The following KIF6 variants were observed in gnomAD, a reference collection of about 807,000 sequenced individuals.
KIF6 encodes kinesin family member 6.
Under a neutral mutation model 112.7 loss-of-function variants are expected in KIF6, and 106 were observed. That is an observed-to-expected ratio of 0.94 (90% CI 0.80 to 1.11). The LOEUF (loss-of-function observed/expected upper bound fraction) is 1.11. Ranked by LOEUF, KIF6 falls within the 50% of genes least tolerant of loss-of-function variation. The probability of loss-of-function intolerance (pLI) is 0.00; values close to 1 mark genes in which losing one functional copy is unlikely to be tolerated. For missense variants in KIF6, 929 were observed against 964.0 expected (o/e 0.96, Z 0.48); for synonymous variants, 339 against 339.9 (o/e 1.00, Z 0.03).
intron 2 of KIF6, among the ~76,000 whole-genome samples, chr6:39,716,067 A>G (rs1789832540): frequency 6.6e-6 from 1 of 152,132 alleles, no homozygotes. Context: ...TTTCTACCCC[A>G]CTTCTTTAAA....
chr6:39,427,167 T>A (rs2150375269), intron 14 of KIF6, among the ~76,000 whole-genome samples: 1 of 152,246 alleles, frequency 6.6e-6, no homozygotes, highest in African/African-American at 2.4e-5. Flanking sequence ...GTCAACCCCC[T>A]CCAGTCTGTG....
intron 2 of KIF6, among the ~76,000 whole-genome samples, chr6:39,719,347 A>AG (rs1561959398): frequency 1.3e-5 from 2 of 149,896 alleles, no homozygotes; most frequent in African/African-American, 4.9e-5. Context: ...TAAAAAGAAA[A>AG]AGAGAGAGAG....
chr6:39,391,743 A>G (rs1008423615), intron 15 of KIF6, among the ~76,000 whole-genome samples: 1 of 152,280 alleles, frequency 6.6e-6, no homozygotes, highest in Non-Finnish European at 1.5e-5. Context: ...TAGTTGGAAC[A>G]TGAATTAGTT....
chr6:39,345,165 C>T (rs894019694), intron 21 of KIF6, among the ~76,000 whole-genome samples: 3 of 152,276 alleles, frequency 2.0e-5, no homozygotes, highest in African/African-American at 7.2e-5. Flanking sequence ...TAACAAGGGG[C>T]TGGCCATTCC....
chr6:39,523,051 C>A (rs1406460492), intron 13 of KIF6, among the ~76,000 whole-genome samples: 1 of 152,196 alleles, frequency 6.6e-6, no homozygotes, highest in Admixed American at 6.5e-5. Flanking sequence ...CGTGCTCATT[C>A]TTAACATATG....
intron 17 of KIF6, 75 bp from the exon 18 acceptor site, chr6:39,360,605 TGG>T (rs1562130470): frequency 6.4e-7 from 1 of 1,559,634 alleles, no homozygotes; most frequent in Admixed American, 1.7e-5. Context: ...TGTAAATGAA[TGG>T]GGCCCGTGCC....
At position 39,559,829 on chromosome 6, in the gene KIF6, T is replaced by TA. The variant is rs534131446; in HGVS notation, c.1182-14142dup. 7.4e-3 allele frequency among the ~76,000 whole-genome samples: 1,051 copies of TA among 141,582 alleles called. 12 individuals are homozygous for TA. Among genetic ancestry groups the TA allele is most frequent in the African/African-American group, 0.021 (802 of 38,782 alleles). 92.9% of individuals were successfully genotyped at this position (141,582 alleles called of 152,430 possible). Reference sequence around the variant, plus strand: ...TTTGAGGTTGTGTTAAGTGGTACTTTAAAAAAAAAAAAAGGTATAACAGCA... The same window carrying TA: ...TTTGAGGTTGTGTTAAGTGGTACTTTAAAAAAAAAAAAAAGGTATAACAGCA... On this transcript the variant is annotated intron_variant, in intron 10 of 22. Transcript: ENST00000287152.
chr6:39,498,259 G>A (rs979941841), intron 13 of KIF6, among the ~76,000 whole-genome samples: 6 of 152,140 alleles, frequency 3.9e-5, no homozygotes, highest in Non-Finnish European at 2.9e-5. Flanking sequence ...ACCAGTCTAC[G>A]TAGTTCCCTT....
chr6:39,683,604 T>C (rs1209576331), intron 3 of KIF6, among the ~76,000 whole-genome samples: 3 of 152,144 alleles, frequency 2.0e-5, no homozygotes, highest in Non-Finnish European at 4.4e-5. Context: ...ATAAAGATTA[T>C]ATTCAAAGTC....
chr6:39,351,943 G>A (rs1764274580), intron 19 of KIF6, among the ~76,000 whole-genome samples: 1 of 152,208 alleles, frequency 6.6e-6, no homozygotes, highest in Non-Finnish European at 1.5e-5. Context: ...TGTGTGGAAG[G>A]TGCAGGTATA....
At chr6:39,537,077 G>T (rs576537898) in intron 13 of KIF6, among the ~76,000 whole-genome samples, 60 of 152,206 alleles carry the variant, frequency 3.9e-4, no homozygotes, top group East Asian at 7.7e-4. Flanking sequence ...AAAATAATAA[G>T]AGCTATCTAT....
intron 3 of KIF6, among the ~76,000 whole-genome samples, chr6:39,680,677 C>A (rs1787460734): frequency 6.6e-6 from 1 of 152,120 alleles, no homozygotes; most frequent in Admixed American, 6.5e-5. Flanking sequence ...GACAACTTGA[C>A]AAAGACTAGA....
intron 3 of KIF6, among the ~76,000 whole-genome samples, chr6:39,667,031 C>A (rs1364133895): frequency 6.6e-6 from 1 of 152,168 alleles, no homozygotes; most frequent in Non-Finnish European, 1.5e-5. Flanking sequence ...AACAGTTTCA[C>A]AGATCTCTTT....
At chr6:39,718,659 C>T (rs904355577) in intron 2 of KIF6, 3 of 151,360 alleles carry the variant, frequency 2.0e-5, no homozygotes, top group African/African-American at 7.3e-5. Context: ...TCACCTGAGC[C>T]CTGAAGGTCA....
chr6:39,421,753 T>C (rs1770384276), intron 14 of KIF6, among the ~76,000 whole-genome samples: 1 of 152,192 alleles, frequency 6.6e-6, no homozygotes, highest in Admixed American at 6.5e-5. Context: ...GTAGATTATG[T>C]ATGTTCTCTC....
intron 14 of KIF6, among the ~76,000 whole-genome samples, chr6:39,423,833 A>AACTGCCTGAGAGCAGAAC (rs1417799268): frequency 6.6e-6 from 1 of 152,104 alleles, no homozygotes; most frequent in Non-Finnish European, 1.5e-5. Flanking sequence ...ACTTAGCTCC[A>AACTGCCTGAGAGCAGAAC]ACTGCCTGAG....
chr6:39,514,061 G>A (rs748041278), intron 13 of KIF6, among the ~76,000 whole-genome samples: 49 of 152,202 alleles, frequency 3.2e-4, no homozygotes, highest in Non-Finnish European at 5.9e-4. Flanking sequence ...TTTACAATTT[G>A]TAATTTGCTG....
intron 13 of KIF6, among the ~76,000 whole-genome samples, chr6:39,486,225 A>C (rs909820833): frequency 6.6e-6 from 1 of 152,204 alleles, no homozygotes; most frequent in African/African-American, 2.4e-5. Flanking sequence ...AAGACTAGCA[A>C]TTTCCATTTC....
rs541365367 is a variant in KIF6, at chr6:39,592,611, G to T, written c.846+3443C>A. ...ATAGAGGCTGTGGGTCACACCGGGA[G>T]CACTCAGTGAGATTTAGGACAAGTA... On this transcript the variant is annotated intron_variant, in intron 7 of 22. Transcript: ENST00000287152. 5.3e-5 allele frequency among the ~76,000 whole-genome samples: 8 copies of T among 152,316 alleles called. No homozygotes were observed. In the East Asian group the frequency reaches 1.5e-3, roughly 29 times the overall value.
Sources: gnomAD v4.1 joint callset for allele counts (sites outside exome capture counted in the v4.1 genomes callset) on GRCh38, gnomAD v4.1.1 for gene constraint, MANE v1.5 for transcripts, NCBI Gene and HGNC (gene_info 2026-07-23, HGNC 2026-07-21) for gene names.